The following FAM135B variants were observed in gnomAD, a reference collection of about 807,000 sequenced individuals.
The protein encoded by FAM135B is family with sequence similarity 135 member B.
In FAM135B, 43 loss-of-function variants were observed where a neutral mutation model predicts 127.7. The ratio of observed to expected loss-of-function variants is 0.34; its 90% CI spans 0.26 to 0.43. The LOEUF is 0.43. Among genes scored for constraint, FAM135B ranks in the 20% least tolerant of loss-of-function variants. FAM135B has a pLI of 1.00. For missense variants in FAM135B, 1,558 were observed against 1,725.6 expected (o/e 0.90, Z 1.72); for synonymous variants, 670 against 665.1 (o/e 1.01, Z -0.11).
At chr8:138,405,221 T>TC (rs1833401607) in intron 1 of FAM135B, among the ~76,000 whole-genome samples, 2 of 151,970 alleles carry the variant, frequency 1.3e-5, no homozygotes, top group African/African-American at 4.8e-5. Context: ...TTCTTTTTTT[T>TC]TTCTTCTTAT....
intron 3 of FAM135B, among the ~76,000 whole-genome samples, chr8:138,272,573 T>C (rs908078606): frequency 6.6e-6 from 1 of 152,310 alleles, no homozygotes; most frequent in African/African-American, 2.4e-5. Flanking sequence ...CAACACTGAG[T>C]GGGCTTAATT....
At chr8:138,411,754 A>T (rs62527824) in intron 1 of FAM135B, among the ~76,000 whole-genome samples, 43,453 of 152,060 alleles carry the variant, frequency 0.29, 6,544 homozygotes, top group Non-Finnish European at 0.33. Flanking sequence ...AAGGGCTAAT[A>T]TCCAGAATGT....
chr8:138,289,959 A>G (rs1468944731), intron 3 of FAM135B, among the ~76,000 whole-genome samples: 1 of 152,238 alleles, frequency 6.6e-6, no homozygotes, highest in Non-Finnish European at 1.5e-5. Context: ...AGGTGAGAAC[A>G]TCACAAACAG....
In FAM135B at chr8:138,285,134, A is replaced by ATTTT. The variant is rs386414180; in HGVS notation, c.158-19296_158-19293dup. Among the ~76,000 whole-genome samples the ATTTT allele has an allele frequency of 2.3e-3, 124 of 54,794 alleles. 10 individuals are homozygous for ATTTT. Among genetic ancestry groups the ATTTT allele is most frequent in the African/African-American group, 4.4e-3 (62 of 14,124 alleles). 35.9% of individuals were successfully genotyped at this position (54,794 alleles called of 152,430 possible). A position where few individuals can be genotyped will look rare whatever the true frequency, so the allele number is the denominator to read the frequency against. ...TGGAAAACATATATTGGCTCTACTA[A>ATTTT]TTTTTTTTTTTTTTTTTTTTTTTTT... is the stretch of plus-strand genomic sequence containing the variant. On this transcript the variant is annotated intron_variant, in intron 3 of 19. Transcript: ENST00000395297.
At chr8:138,200,159 T>G (rs988085604) in intron 7 of FAM135B, among the ~76,000 whole-genome samples, 19 of 152,220 alleles carry the variant, frequency 1.2e-4, no homozygotes, top group African/African-American at 4.3e-4. Flanking sequence ...ATTTCTCAGC[T>G]CTGAAGTCTG....
chr8:138,464,758 A>G (rs1004611347), intron 1 of FAM135B, among the ~76,000 whole-genome samples: 2 of 152,136 alleles, frequency 1.3e-5, no homozygotes, highest in African/African-American at 4.8e-5. Flanking sequence ...GTCAGCACAT[A>G]TCCTCACAGG....
At chr8:138,262,310 C>T (rs1201758533) in intron 4 of FAM135B, among the ~76,000 whole-genome samples, 2 of 152,184 alleles carry the variant, frequency 1.3e-5, no homozygotes, top group East Asian at 3.9e-4. Context: ...GCCTCCATCA[C>T]TGGTTTGTCA....
chr8:138,157,134 G>A (rs1818839774), intron 12 of FAM135B, among the ~76,000 whole-genome samples: 1 of 152,196 alleles, frequency 6.6e-6, no homozygotes, highest in Admixed American at 6.5e-5. Context: ...ATGCAAGGCT[G>A]GTTCAACATA....
intron 1 of FAM135B, among the ~76,000 whole-genome samples, chr8:138,444,064 A>G (rs2131558537): frequency 6.6e-6 from 1 of 152,356 alleles, no homozygotes; most frequent in African/African-American, 2.4e-5. Context: ...AGGCCATTAC[A>G]TAATGGTAAA....
chr8:138,192,284 C>T (rs538247204), intron 9 of FAM135B, among the ~76,000 whole-genome samples: 2 of 152,216 alleles, frequency 1.3e-5, no homozygotes, highest in Non-Finnish European at 2.9e-5. Context: ...TGTCCTTGTT[C>T]ATTCCTGGGC....
intron 6 of FAM135B, 52 bp downstream of exon 6, chr8:138,250,789 C>A (rs1821637869): frequency 6.3e-6 from 10 of 1,597,844 alleles, no homozygotes; most frequent in Non-Finnish European, 7.7e-6. Flanking sequence ...CTCTACCACA[C>A]CTGCAATGGA....
chr8:138,290,590 A>G (rs1192867357), intron 3 of FAM135B, among the ~76,000 whole-genome samples: 1 of 152,164 alleles, frequency 6.6e-6, no homozygotes, highest in Admixed American at 6.5e-5. Flanking sequence ...GAAAAATCCA[A>G]TTTGATTCTG....
At chr8:138,214,622 C>A (rs1050584172) in intron 7 of FAM135B, among the ~76,000 whole-genome samples, 11 of 152,172 alleles carry the variant, frequency 7.2e-5, no homozygotes, top group Middle Eastern at 3.4e-3. Flanking sequence ...AAAAAATAAT[C>A]CTGTTGTCTA....
intron 2 of FAM135B, among the ~76,000 whole-genome samples, chr8:138,344,563 C>T (rs1289650395): frequency 7.7e-6 from 1 of 130,156 alleles, no homozygotes; most frequent in Non-Finnish European, 1.6e-5. Context: ...TCTCTTGCTA[C>T]ACTTTCTTTC....
intron 1 of FAM135B, among the ~76,000 whole-genome samples, chr8:138,418,905 C>T (rs567814729): frequency 1.3e-3 from 180 of 143,514 alleles, no homozygotes; most frequent in South Asian, 1.8e-3. Context: ...AAAAAACATA[C>T]TTAAGCACAT....
At chr8:138,277,037 G>A (rs562721919) in intron 3 of FAM135B, among the ~76,000 whole-genome samples, 1 of 152,312 alleles carries the variant, frequency 6.6e-6, no homozygotes, top group Admixed American at 6.5e-5. Flanking sequence ...TGGTTAAAAT[G>A]AGCAAGGTAT....
chr8:138,407,889 A>G (rs985264252), intron 1 of FAM135B, among the ~76,000 whole-genome samples: 2 of 152,224 alleles, frequency 1.3e-5, no homozygotes, highest in Non-Finnish European at 2.9e-5. Flanking sequence ...AATGGCAACA[A>G]AAGCCAAAAT....
chr8:138,296,746 T>C (rs1011025316), intron 3 of FAM135B, among the ~76,000 whole-genome samples: 1 of 152,196 alleles, frequency 6.6e-6, no homozygotes, highest in African/African-American at 2.4e-5. Context: ...TCCCATCCCT[T>C]TTCAAAATCT....
intron 2 of FAM135B, among the ~76,000 whole-genome samples, chr8:138,313,421 C>T (rs931481400): frequency 6.6e-6 from 1 of 151,820 alleles, no homozygotes; most frequent in Non-Finnish European, 1.5e-5. Flanking sequence ...CGTGAGCCAC[C>T]GTGCCTGGCC....
Sources: gnomAD v4.1 joint callset for allele counts (sites outside exome capture counted in the v4.1 genomes callset) on GRCh38, gnomAD v4.1.1 for gene constraint, MANE v1.5 for transcripts, NCBI Gene and HGNC (gene_info 2026-07-23, HGNC 2026-07-21) for gene names.